USP12: variants seen among roughly 807,000 people sequenced by gnomAD.
The protein encoded by USP12 is ubiquitin carboxyl-terminal hydrolase 12.
In USP12, 19 loss-of-function variants were observed where a neutral mutation model predicts 45.5. The ratio of observed to expected loss-of-function variants is 0.42; its 90% confidence interval spans 0.29 to 0.61. The LOEUF (loss-of-function observed/expected upper bound fraction) is 0.61. Among genes scored for constraint, USP12 ranks in the 20% least tolerant of loss-of-function variants. The probability of loss-of-function intolerance (pLI) is 0.22; values close to 1 mark genes in which losing one functional copy is unlikely to be tolerated. For missense variants in USP12, 242 were observed against 447.7 expected, an observed-to-expected ratio of 0.54 and a Z score of 4.15; for synonymous variants, 149 against 148.8, an observed-to-expected ratio of 1.00 and a Z score of -0.01.
At chr13:27,147,387 A>G (rs1260701715) in intron 1 of USP12, among the ~76,000 whole-genome samples, 1 of 152,218 alleles carries the variant, frequency 6.6e-6, no homozygotes, top group East Asian at 1.9e-4. Flanking sequence ...GTATAGTAAT[A>G]TATTATCAGC....
chr13:27,152,647 G>GA (rs1207397649), intron 1 of USP12, among the ~76,000 whole-genome samples: 1 of 152,074 alleles, frequency 6.6e-6, no homozygotes, highest in Non-Finnish European at 1.5e-5. Context: ...GCTGTTTTAA[G>GA]AAAAAAGAAT....
chr13:27,166,414 G>A (rs899637231), intron 1 of USP12, among the ~76,000 whole-genome samples: 2 of 152,134 alleles, frequency 1.3e-5, no homozygotes, highest in Non-Finnish European at 2.9e-5. Context: ...AAGGAATTTG[G>A]TAAATGACAA....
At chr13:27,131,553 A>G (rs1236719885) in intron 1 of USP12, among the ~76,000 whole-genome samples, 2 of 152,232 alleles carry the variant, frequency 1.3e-5, no homozygotes, top group African/African-American at 4.8e-5. Context: ...ACCTTGTTCA[A>G]GTACACTTGG....
chr13:27,131,974 T>G lies in USP12; in HGVS notation c.49-15378A>C, dbSNP rs530331508. Among the ~76,000 whole-genome samples the G allele has an allele frequency of 2.6e-5, 4 of 152,324 alleles. No individual in the cohort carries two copies. In the South Asian group the frequency reaches 8.3e-4, roughly 32 times the overall value. Reference sequence around the variant, plus strand: ...CCTTCCACAGGCCACCTCCTAATTTTTATTACGTGTCACTGGGTAGAGTAT... The same window carrying G: ...CCTTCCACAGGCCACCTCCTAATTTGTATTACGTGTCACTGGGTAGAGTAT... On this transcript the variant is annotated intron_variant, in intron 1 of 8. Coordinates refer to ENST00000282344, the MANE Select transcript of USP12 (RefSeq NM_182488.4).
At position 27,066,866 on chromosome 13, in the gene USP12, C is replaced by T. The variant is rs1873019478; in HGVS notation, c.*2417G>A. 1 of 152,192 alleles carries T rather than the reference C, an allele frequency of 6.6e-6. No homozygotes were observed. The highest frequency in any genetic ancestry group is 2.4e-5 in the African/African-American group (1 of 41,446). The allele number at this position is 152,192 out of a possible 1,614,324, so 9.4% of individuals were successfully genotyped here. A position where few individuals can be genotyped will look rare whatever the true frequency, so the allele number is the denominator to read the frequency against. On this transcript the variant is annotated 3_prime_UTR_variant, in exon 9 of 9. Transcript: ENST00000282344. ...CTTCATGGGTCACTTTTCTTACTTA[C>T]TATACCTGTATTTTTCCCCCAACCC...
At chr13:27,110,127 TAAAAAA>T (rs1555234986) in intron 2 of USP12, among the ~76,000 whole-genome samples, 3 of 119,620 alleles carry the variant, frequency 2.5e-5, no homozygotes, top group Non-Finnish European at 3.3e-5. Context: ...CTTTTCCAGG[TAAAAAA>T]AAAAAAAAAA....
chr13:27,076,098 TGG>T (rs757714344), intron 6 of USP12, among the ~76,000 whole-genome samples: 21 of 151,040 alleles, frequency 1.4e-4, no homozygotes, highest in Non-Finnish European at 2.5e-4. Flanking sequence ...CCTTTGGACT[TGG>T]GTAGACTGAA....
At chr13:27,089,747 T>G (rs1874229891) in intron 6 of USP12, 136 bp downstream of exon 6, 1 of 771,660 alleles carries the variant, frequency 1.3e-6, no homozygotes, top group African/African-American at 1.8e-5. Flanking sequence ...TAATACTTAA[T>G]GAACATTAAC....
intron 3 of USP12, among the ~76,000 whole-genome samples, chr13:27,103,117 G>T (rs553573869): frequency 3.7e-4 from 56 of 152,278 alleles, no homozygotes; most frequent in African/African-American, 1.3e-3. Flanking sequence ...ACAATATGGG[G>T]CTAATATCTA....
At chr13:27,159,121 T>C (rs1877983227) in intron 1 of USP12, among the ~76,000 whole-genome samples, 1 of 152,174 alleles carries the variant, frequency 6.6e-6, no homozygotes. Flanking sequence ...AAATAGTAAG[T>C]GGTTTGGTTT....
At chr13:27,080,971 C>CA (rs1873729496) in intron 6 of USP12, among the ~76,000 whole-genome samples, 1 of 150,488 alleles carries the variant, frequency 6.6e-6, no homozygotes, top group African/African-American at 2.4e-5. Context: ...GCTGACTGAT[C>CA]AGGATGGTGG....
intron 3 of USP12, among the ~76,000 whole-genome samples, chr13:27,099,749 G>C (rs986335589): frequency 5.3e-5 from 8 of 151,794 alleles, no homozygotes; most frequent in African/African-American, 1.2e-4. Context: ...CACAAATTTG[G>C]GTCTCAAATC....
chr13:27,161,865 G>A lies in USP12; in HGVS notation c.48+9727C>T, dbSNP rs1328402814. Among the ~76,000 whole-genome samples, 3 of 150,186 alleles carry A rather than the reference G, an allele frequency of 2.0e-5. No individual in the cohort carries two copies. The South Asian group carries it at 6.6e-4, about 33-fold the overall frequency. ...CCACTGCACTCCAGCCTGGGCAACAGAGCAAGGCTCTGTCTCAAAAAATAA... is the reference window on the plus strand; with the variant it reads ...CCACTGCACTCCAGCCTGGGCAACAAAGCAAGGCTCTGTCTCAAAAAATAA... On this transcript the variant is annotated intron_variant, in intron 1 of 8. Transcript: ENST00000282344.
At chr13:27,171,121 C>A (rs1218569044) in intron 1 of USP12, among the ~76,000 whole-genome samples, 1 of 151,214 alleles carries the variant, frequency 6.6e-6, no homozygotes, top group Admixed American at 6.6e-5. Context: ...TCCCGCTCGG[C>A]GCGCGACCAG....
chr13:27,123,471 C>T (rs1165368287), intron 1 of USP12, among the ~76,000 whole-genome samples: 2 of 152,166 alleles, frequency 1.3e-5, no homozygotes, highest in Non-Finnish European at 2.9e-5. Context: ...AATAGCCATC[C>T]AATACTAAGA....
intron 2 of USP12, among the ~76,000 whole-genome samples, chr13:27,106,400 C>T (rs1457387280): frequency 3.0e-4 from 13 of 43,638 alleles, no homozygotes; most frequent in East Asian, 1.1e-3. Context: ...TGGGGCGAGA[C>T]GGGGGAGGGG....
intron 1 of USP12, among the ~76,000 whole-genome samples, chr13:27,127,066 A>G (rs1188613060): frequency 1.3e-5 from 2 of 152,210 alleles, no homozygotes; most frequent in African/African-American, 4.8e-5. Context: ...CAGTCATCCT[A>G]AGAGTCTTGG....
At chr13:27,163,765 T>A (rs547099222) in intron 1 of USP12, among the ~76,000 whole-genome samples, 1 of 84,576 alleles carries the variant, frequency 1.2e-5, no homozygotes, top group Non-Finnish European at 2.6e-5. Flanking sequence ...GCAAGACCTG[T>A]CTTAAAAAAA....
At chr13:27,162,444 A>G (rs1878153010) in intron 1 of USP12, among the ~76,000 whole-genome samples, 1 of 152,176 alleles carries the variant, frequency 6.6e-6, no homozygotes, top group African/African-American at 2.4e-5. Context: ...CCCCATCCCT[A>G]GCTGCTGCAG....
Sources: gnomAD v4.1 joint callset for allele counts (sites outside exome capture counted in the v4.1 genomes callset) on GRCh38, gnomAD v4.1.1 for gene constraint, MANE v1.5 for transcripts, NCBI Gene and HGNC (gene_info 2026-07-23, HGNC 2026-07-21) for gene names.